KCTD16: variants seen among roughly 807,000 people sequenced by gnomAD.
The protein encoded by KCTD16 is potassium channel tetramerization domain containing 16, also known as BTB/POZ domain-containing protein KCTD16.
Under a neutral mutation model 33.2 loss-of-function variants are expected in KCTD16, and 13 were observed. The ratio of observed to expected loss-of-function variants is 0.39; its 90% CI spans 0.25 to 0.62. The LOEUF (loss-of-function observed/expected upper bound fraction) is 0.62. Ranked by LOEUF, KCTD16 falls within the 20% of genes least tolerant of loss-of-function variation. KCTD16 has a pLI of 0.50. For synonymous variants in KCTD16, 197 were observed against 195.3 expected (o/e 1.01, Z -0.07); for missense variants, 441 against 525.1 (o/e 0.84, Z 1.57).
intron 2 of KCTD16, among the ~76,000 whole-genome samples, chr5:144,192,258 T>C (rs1752856640): frequency 6.6e-6 from 1 of 152,218 alleles, no homozygotes; most frequent in South Asian, 2.1e-4. Flanking sequence ...TTACTCTAGA[T>C]TGTTAATCCT....
At chr5:144,310,556 A>C (rs1213114893) in intron 3 of KCTD16, among the ~76,000 whole-genome samples, 1 of 150,298 alleles carries the variant, frequency 6.7e-6, no homozygotes, top group African/African-American at 2.5e-5. Context: ...TGTATGCAAG[A>C]AAATATAACA....
intron 3 of KCTD16, among the ~76,000 whole-genome samples, chr5:144,440,212 C>T: frequency 6.6e-6 from 1 of 152,128 alleles, no homozygotes; most frequent in East Asian, 1.9e-4. Flanking sequence ...ATCATTTTGT[C>T]TTAAAATGTA....
chr5:144,252,775 G>T (rs1048320946), intron 3 of KCTD16, among the ~76,000 whole-genome samples: 1 of 151,820 alleles, frequency 6.6e-6, no homozygotes, highest in African/African-American at 2.4e-5. Context: ...CCTTGAGATG[G>T]ACGCTGGTGT....
chr5:144,450,148 G>A (rs1378422055), intron 3 of KCTD16, among the ~76,000 whole-genome samples: 1 of 151,908 alleles, frequency 6.6e-6, no homozygotes, highest in East Asian at 1.9e-4. Context: ...GAACTGAATA[G>A]CTATTTCTCT....
intron 3 of KCTD16, among the ~76,000 whole-genome samples, chr5:144,298,884 C>T (rs1261714707): frequency 6.6e-6 from 1 of 150,704 alleles, no homozygotes; most frequent in Non-Finnish European, 1.5e-5. Context: ...CTTTCAGATG[C>T]AGCGCTTTAT....
chr5:144,390,526 A>ATTT (rs34067554), intron 3 of KCTD16, among the ~76,000 whole-genome samples: 1 of 150,196 alleles, frequency 6.7e-6, no homozygotes, highest in Admixed American at 6.6e-5. Context: ...GAAGTGTTTA[A>ATTT]TTTTTTTTTT....
intron 3 of KCTD16, among the ~76,000 whole-genome samples, chr5:144,339,704 G>C (rs962875451): frequency 1.3e-5 from 2 of 152,102 alleles, no homozygotes; most frequent in African/African-American, 4.8e-5. Flanking sequence ...ACTCATGCTT[G>C]CTTTCCTTCC....
rs141177342 is a variant in KCTD16, at chr5:144,354,429, C to T, written c.833-119231C>T. Among the ~76,000 whole-genome samples the T allele has an allele frequency of 1.2e-3, 185 of 152,270 alleles. 1 individual carries two copies. In the East Asian group the frequency reaches 0.026, roughly 21 times the overall value. On this transcript the variant is annotated intron_variant, in intron 3 of 3. Transcript: ENST00000512467. ...GATTTGTATACATTTTCAACGACTTCGTATTACCCCTGGGGTTCACCCCTA... is the reference window on the plus strand; with the variant it reads ...GATTTGTATACATTTTCAACGACTTTGTATTACCCCTGGGGTTCACCCCTA...
At chr5:144,297,421 CT>C (rs1756070421) in intron 3 of KCTD16, among the ~76,000 whole-genome samples, 2 of 152,206 alleles carry the variant, frequency 1.3e-5, no homozygotes, top group Admixed American at 1.3e-4. Flanking sequence ...TCAAGGACAA[CT>C]CTACAAGGCC....
At position 144,474,101 on chromosome 5, in the gene KCTD16, A is replaced by C. The variant is rs753026633; in HGVS notation, c.1274A>C (p.Lys425Thr). The change falls in exon 4 of 4, where the codon AAG becomes ACG. Residue 425 changes from lysine (K) to threonine (T), a missense_variant. Lys to Thr is a moderately conservative substitution (Grantham distance 78). Transcript: ENST00000512467. Reference sequence around the variant, plus strand: ...CCTTGGCAATCTGAACTTTTAAGGAAGTATCATCTATAAGGGAGGGCTGGG... The same window carrying C: ...CCTTGGCAATCTGAACTTTTAAGGACGTATCATCTATAAGGGAGGGCTGGG... ...KHPWQSELLR[K>T]YHL is the part of the protein sequence containing the mutation. 1 of 1,508,288 alleles carries C rather than the reference A, an allele frequency of 6.6e-7. No individual in the cohort carries two copies. The highest frequency in any genetic ancestry group is 9.2e-7 in the Non-Finnish European group (1 of 1,088,084). 93.4% of individuals were successfully genotyped at this position (1,508,288 alleles called of 1,614,324 possible). A position where few individuals can be genotyped will look rare whatever the true frequency, so the allele number is the denominator to read the frequency against.
chr5:144,456,878 T>C (rs150152801), intron 3 of KCTD16, among the ~76,000 whole-genome samples: 64 of 152,194 alleles, frequency 4.2e-4, no homozygotes, highest in Non-Finnish European at 8.8e-4. Flanking sequence ...TTTCCCTCAA[T>C]ATTCTGTCAC....
At chr5:144,308,963 T>A (rs2126875968) in intron 3 of KCTD16, among the ~76,000 whole-genome samples, 1 of 152,124 alleles carries the variant, frequency 6.6e-6, no homozygotes, top group African/African-American at 2.4e-5. Context: ...CCCCTTTTTA[T>A]AGAAGAGAAG....
chr5:144,388,070 T>TTTG (rs1409951808), intron 3 of KCTD16, among the ~76,000 whole-genome samples: 3 of 86,432 alleles, frequency 3.5e-5, no homozygotes, highest in Admixed American at 1.0e-4. Flanking sequence ...AGCAAGTTTT[T>TTTG]TTTTTTTTTT....
intron 2 of KCTD16, chr5:144,205,742 A>T (rs1049077166): frequency 2.5e-6 from 1 of 395,608 alleles, no homozygotes; most frequent in African/African-American, 2.1e-5. Context: ...TACTTCTTCA[A>T]CCCAACCTCC....
intron 3 of KCTD16, among the ~76,000 whole-genome samples, chr5:144,338,682 C>T (rs1336215900): frequency 6.6e-6 from 1 of 151,996 alleles, no homozygotes; most frequent in Non-Finnish European, 1.5e-5. Context: ...TGACATGAAC[C>T]TATTTTATGG....
chr5:144,191,670 GGGGTGT>G, intron 2 of KCTD16, among the ~76,000 whole-genome samples: 1 of 151,990 alleles, frequency 6.6e-6, no homozygotes, highest in Non-Finnish European at 1.5e-5. Flanking sequence ...CTCCTCTTTG[GGGGTGT>G]TTACCAGCTT....
At chr5:144,280,318 G>A (rs1002864112) in intron 3 of KCTD16, among the ~76,000 whole-genome samples, 6 of 152,018 alleles carry the variant, frequency 3.9e-5, no homozygotes, top group Admixed American at 6.6e-5. Context: ...TTATTTGTTG[G>A]AAGTTTATAA....
At chr5:144,428,115 A>T (rs1753375629) in intron 3 of KCTD16, among the ~76,000 whole-genome samples, 1 of 152,126 alleles carries the variant, frequency 6.6e-6, no homozygotes, top group Admixed American at 6.6e-5. Flanking sequence ...CACCCCATAG[A>T]AGGACAAAGA....
chr5:144,371,757 C>A (rs995800053), intron 3 of KCTD16, among the ~76,000 whole-genome samples: 1 of 151,792 alleles, frequency 6.6e-6, no homozygotes, highest in Non-Finnish European at 1.5e-5. Context: ...TAATTTAGAT[C>A]TAAGAAATAC....
Sources: allele counts gnomAD v4.1 joint callset (sites outside exome capture counted in the v4.1 genomes callset), GRCh38; gene constraint gnomAD v4.1.1; transcripts MANE v1.5; gene names NCBI Gene and HGNC (gene_info 2026-07-23, HGNC 2026-07-21).